ZNF644: variants seen among roughly 807,000 people sequenced by gnomAD.
ZNF644 encodes zinc finger protein 644, also known as zinc finger motif enhancer binding protein 2.
In ZNF644, 20 loss-of-function variants were observed where a neutral mutation model predicts 108.0. The ratio of observed to expected loss-of-function variants is 0.19; its 90% CI spans 0.13 to 0.27. The LOEUF (loss-of-function observed/expected upper bound fraction) is 0.27. Ranked by LOEUF, ZNF644 falls within the 10% of genes least tolerant of loss-of-function variation. The probability of loss-of-function intolerance (pLI) is 1.00; values close to 1 mark genes in which losing one functional copy is unlikely to be tolerated. For synonymous variants in ZNF644, 542 were observed against 539.1 expected, an observed-to-expected ratio of 1.01 and a Z score of -0.08; for missense variants, 1,338 against 1,548.9, an observed-to-expected ratio of 0.86 and a Z score of 2.29.
intron 4 of ZNF644, among the ~76,000 whole-genome samples, chr1:90,931,917 T>C (rs1429011097): frequency 6.6e-6 from 1 of 152,174 alleles, no homozygotes; most frequent in African/African-American, 2.4e-5. Flanking sequence ...ATCAGACAAA[T>C]TGATGATAGC....
chr1:90,968,410 A>T (rs1315496455), intron 2 of ZNF644, among the ~76,000 whole-genome samples: 1 of 152,222 alleles, frequency 6.6e-6, no homozygotes, highest in African/African-American at 2.4e-5. Context: ...GTATATAAGC[A>T]TTCTAATATA....
In ZNF644 at chr1:90,918,065, T is replaced by C; in HGVS notation, c.3778A>G (p.Ile1260Val). ...ATAGGCATATACCTGCATCGGAGAA[T>C]GTAAACCTCGTCAGCACCATGAGGT... ...TLPHGADEVY[I>V]LRCRFCGLVF... Residue 1260 changes from isoleucine to valine, a missense_variant, in exon 5 of 6, where the codon ATT becomes GTT. By Grantham distance (29) the Ile-to-Val change is conservative. Coordinates refer to ENST00000337393, the MANE Select transcript of ZNF644 (RefSeq NM_201269.3). 6.2e-7 allele frequency: 1 copy of C among 1,613,970 alleles called. No homozygotes were observed. Among genetic ancestry groups the C allele is most frequent in the Non-Finnish European group, 8.5e-7 (1 of 1,179,892 alleles).
Position 90,939,881 on chromosome 1 carries a change from T to A in ZNF644, c.1473A>T (p.Gly491=), listed in dbSNP as rs767716436. Residue 491 remains glycine (G), a synonymous_variant, in exon 3 of 6, where the codon GGA becomes GGT. Coordinates refer to ENST00000337393, the MANE Select transcript of ZNF644 (RefSeq NM_201269.3). ...GAGGACACTGTAATCGTGCACTTCT[T>A]CCTTCATCCTGAAGTTCTTTCAATT... ...IRELKELQDE[G]RSARLQCPQC... is the part of the protein sequence containing the mutation. 1.9e-5 allele frequency: 31 copies of A among 1,613,992 alleles called. No homozygotes were observed. Among genetic ancestry groups the A allele is most frequent in the Non-Finnish European group, 2.5e-5 (29 of 1,179,974 alleles).
rs1660015067 is a variant in ZNF644, at chr1:91,012,185, G to T, written c.-18+9805C>A. Among the ~76,000 whole-genome samples, 3 of 151,980 alleles carry T rather than the reference G, an allele frequency of 2.0e-5. No homozygotes were observed. In the South Asian group the frequency reaches 6.2e-4, roughly 32 times the overall value. ...ATAACAATGCCAAACAAGGACAGAA[G>T]AAAAGAGAGATGGATTCAAGCATCA... On this transcript the variant is annotated intron_variant, in intron 1 of 5. Transcript: ENST00000337393.
intron 1 of ZNF644, among the ~76,000 whole-genome samples, chr1:90,983,326 G>C (rs609627): frequency 0.14 from 20,890 of 151,892 alleles, 1,504 homozygotes; most frequent in African/African-American, 0.16. Context: ...CAACCCAGAA[G>C]TGGACATGGG....
At chr1:90,972,492 A>C (rs1655595376) in intron 2 of ZNF644, among the ~76,000 whole-genome samples, 2 of 152,222 alleles carry the variant, frequency 1.3e-5, no homozygotes, top group Non-Finnish European at 2.9e-5. Flanking sequence ...ATGGAGAGAA[A>C]CAGGAACATT....
chr1:90,968,703 A>G (rs2101239830), intron 2 of ZNF644, among the ~76,000 whole-genome samples: 1 of 152,332 alleles, frequency 6.6e-6, no homozygotes, highest in East Asian at 1.9e-4. Context: ...ATAACTTTGT[A>G]TAATAGATGA....
intron 1 of ZNF644, 133 bp downstream of exon 1, chr1:91,021,857 C>T (rs1207371398): frequency 1.3e-5 from 5 of 397,674 alleles, no homozygotes; most frequent in Middle Eastern, 6.2e-4. Context: ...GGGCGTAGCT[C>T]CCCGGGCCCG....
intron 2 of ZNF644, among the ~76,000 whole-genome samples, chr1:90,967,862 A>G (rs145845667): frequency 0.02 from 2,872 of 146,822 alleles, 75 homozygotes; most frequent in African/African-American, 0.068. Flanking sequence ...CCTCACCAAT[A>G]TGGTGAAACC....
intron 1 of ZNF644, among the ~76,000 whole-genome samples, chr1:91,007,874 G>C (rs1659601593): frequency 6.6e-6 from 1 of 151,856 alleles, no homozygotes; most frequent in East Asian, 1.9e-4. Context: ...CAAATGTTTG[G>C]TGATCCTTAA....
intron 2 of ZNF644, among the ~76,000 whole-genome samples, chr1:90,974,169 A>T (rs936481089): frequency 6.6e-6 from 1 of 152,028 alleles, no homozygotes; most frequent in East Asian, 1.9e-4. Context: ...ATGACTGTCC[A>T]TCTCTACTAA....
chr1:90,980,197 C>T (rs187932585), intron 2 of ZNF644, among the ~76,000 whole-genome samples: 1 of 152,270 alleles, frequency 6.6e-6, no homozygotes, highest in East Asian at 1.9e-4. Flanking sequence ...AACTCATACT[C>T]TAATAAAGAA....
intron 1 of ZNF644, among the ~76,000 whole-genome samples, chr1:90,998,216 A>C (rs1254570148): frequency 6.6e-6 from 1 of 152,182 alleles, no homozygotes; most frequent in Non-Finnish European, 1.5e-5. Context: ...CCCAGGACGG[A>C]GTCTGAGATC....
intron 1 of ZNF644, among the ~76,000 whole-genome samples, chr1:91,018,147 T>G (rs1024328948): frequency 2.0e-5 from 3 of 152,246 alleles, no homozygotes; most frequent in Admixed American, 2.0e-4. Flanking sequence ...GGGTCTCCTG[T>G]GATCTTCATG....
chr1:90,947,913 A>G (rs1330902465), intron 2 of ZNF644, among the ~76,000 whole-genome samples: 1 of 152,198 alleles, frequency 6.6e-6, no homozygotes, highest in Non-Finnish European at 1.5e-5. Flanking sequence ...GATTAAAAAT[A>G]CAGTCTCTAC....
At chr1:90,964,256 G>C (rs1000481412) in intron 2 of ZNF644, among the ~76,000 whole-genome samples, 4 of 151,590 alleles carry the variant, frequency 2.6e-5, no homozygotes, top group African/African-American at 9.7e-5. Context: ...GTTTATATAA[G>C]AGAAAATAAA....
intron 2 of ZNF644, among the ~76,000 whole-genome samples, chr1:90,944,543 G>A (rs1321900675): frequency 6.6e-6 from 1 of 152,006 alleles, no homozygotes; most frequent in African/African-American, 2.4e-5. Flanking sequence ...AAAAATAAAA[G>A]ATGTTACCTT....
intron 1 of ZNF644, among the ~76,000 whole-genome samples, chr1:90,985,737 A>G (rs1424054077): frequency 3.3e-5 from 5 of 152,154 alleles, no homozygotes; most frequent in South Asian, 2.1e-4. Context: ...TATTTTAGCT[A>G]TTGTGAATAA....
At chr1:90,952,599 T>C (rs879256436) in intron 2 of ZNF644, among the ~76,000 whole-genome samples, 12 of 151,518 alleles carry the variant, frequency 7.9e-5, no homozygotes, top group African/African-American at 1.9e-4. Flanking sequence ...AAGCAGAAAG[T>C]TGATACAATT....
Sources: allele counts gnomAD v4.1 joint callset (sites outside exome capture counted in the v4.1 genomes callset), GRCh38; gene constraint gnomAD v4.1.1; transcripts MANE v1.5; gene names NCBI Gene and HGNC (gene_info 2026-07-23, HGNC 2026-07-21).